The following EREG variants were observed in gnomAD, a reference collection of about 807,000 sequenced individuals.
EREG encodes the protein proepiregulin.
In EREG, 23 loss-of-function variants were observed where a neutral mutation model predicts 22.4. That is an observed-to-expected ratio of 1.03 (90% CI 0.74 to 1.46). The LOEUF (loss-of-function observed/expected upper bound fraction) is 1.46, where lower values mean the gene tolerates loss of function less well. Ranked by LOEUF, EREG falls within the 40% of genes most tolerant of loss-of-function variation. EREG has a pLI of 0.00. For synonymous variants in EREG, 100 were observed against 75.4 expected (o/e 1.33, Z -1.69); for missense variants, 226 against 205.9 (o/e 1.10, Z -0.60).
In EREG at chr4:74,385,862, T is replaced by C. The variant is rs1373930401; in HGVS notation, c.*1054T>C. The stretch of plus-strand genomic sequence containing the variant: ...TAATACAGCTCAGTAAATGGCTTCT[T>C]CTAGAATGTAAAGTTATGTATTTAA... On this transcript the variant is annotated 3_prime_UTR_variant, in exon 5 of 5. Transcript: ENST00000244869. 2 of 396,772 alleles carry C rather than the reference T, an allele frequency of 5.0e-6. No homozygotes were observed. The highest frequency in any genetic ancestry group is 3.6e-5 in the East Asian group (1 of 27,914). 24.6% of individuals were successfully genotyped at this position (396,772 alleles called of 1,614,324 possible). A position where few individuals can be genotyped will look rare whatever the true frequency, so the allele number is the denominator to read the frequency against.
chr4:74,381,163 C>T (rs778649779), intron 3 of EREG, 26 bp downstream of exon 3: 1 of 1,597,346 alleles, frequency 6.3e-7, no homozygotes, highest in African/African-American at 1.3e-5. Flanking sequence ...TAAACAAACA[C>T]AGTTTGTAAA....
At chr4:74,383,659 TCAAG>T (rs1158602260) in intron 4 of EREG, among the ~76,000 whole-genome samples, 2 of 152,192 alleles carry the variant, frequency 1.3e-5, no homozygotes, top group Non-Finnish European at 2.9e-5. Context: ...TACAAATTAC[TCAAG>T]GTGAATTTAC....
Position 74,385,567 on chromosome 4 carries a change from T to G in EREG, c.*759T>G, listed in dbSNP as rs1752556471. 2 of 249,266 alleles carry G rather than the reference T, an allele frequency of 8.0e-6. No individual in the cohort carries two copies. Among genetic ancestry groups the G allele is most frequent in the Non-Finnish European group, 1.5e-5 (2 of 132,404 alleles). 15.4% of individuals were successfully genotyped at this position (249,266 alleles called of 1,614,324 possible). ...CATTTCATAGCTTCACAATGTTCCT[T>G]TTTTGTATATTACAACATTTATGTG... On this transcript the variant is annotated 3_prime_UTR_variant, in exon 5 of 5. Coordinates refer to ENST00000244869, the MANE Select transcript of EREG (RefSeq NM_001432.3).
Position 74,381,188 on chromosome 4 carries a change from A to G in EREG, c.278+51A>G, listed in dbSNP as rs369350742. 8 of 1,542,690 alleles carry G rather than the reference A, an allele frequency of 5.2e-6. No individual in the cohort carries two copies. In the African/African-American group the frequency reaches 1.1e-4, roughly 21 times the overall value. ...CAGTTTGTAAAATTTTGTTTTATAG[A>G]TTTAGGGGTACAAGTGCAGATTTGC... is the stretch of plus-strand genomic sequence containing the variant. On this transcript the variant is annotated intron_variant, in intron 3 of 4. Transcript: ENST00000244869.
intron 1 of EREG, among the ~76,000 whole-genome samples, chr4:74,377,175 A>C (rs947710375): frequency 2.0e-5 from 3 of 150,878 alleles, no homozygotes; most frequent in Admixed American, 6.6e-5. Flanking sequence ...AAAAAAAAAA[A>C]CATTAGTTTA....
intron 1 of EREG, among the ~76,000 whole-genome samples, chr4:74,373,565 T>C (rs1415568331): frequency 6.6e-6 from 1 of 150,546 alleles, no homozygotes; most frequent in Non-Finnish European, 1.5e-5. Context: ...GAATTATTAC[T>C]GGCAGAAGGC....
chr4:74,377,783 T>C (rs1292136182), intron 1 of EREG, among the ~76,000 whole-genome samples: 2 of 152,142 alleles, frequency 1.3e-5, no homozygotes, highest in Middle Eastern at 3.2e-3. Flanking sequence ...CAAACACTTA[T>C]AAAACCATCA....
At position 74,388,649 on chromosome 4, in the gene EREG, A is replaced by G. The variant is rs1752616558; in HGVS notation, c.*3841A>G. ...TGTACCTTAAGATATTGAAGGAGAAAATAGATAATTTACAAGATATTATTA... is the reference window on the plus strand; with the variant it reads ...TGTACCTTAAGATATTGAAGGAGAAGATAGATAATTTACAAGATATTATTA... On this transcript the variant is annotated 3_prime_UTR_variant, in exon 5 of 5. Transcript: ENST00000244869. 1 of 152,644 alleles carries G rather than the reference A, an allele frequency of 6.6e-6. No homozygotes were observed. 9.5% of individuals were successfully genotyped at this position (152,644 alleles called of 1,614,324 possible).
chr4:74,379,228 G>A (rs148207990), intron 1 of EREG, among the ~76,000 whole-genome samples: 1 of 152,278 alleles, frequency 6.6e-6, no homozygotes, highest in East Asian at 1.9e-4. Context: ...ATCTGTAACC[G>A]TGAATGTAAT....
chr4:74,369,429 T>C (rs904216742), intron 1 of EREG, among the ~76,000 whole-genome samples: 1 of 152,160 alleles, frequency 6.6e-6, no homozygotes, highest in African/African-American at 2.4e-5. Context: ...AGTGAGAACA[T>C]ATGGTTTTTT....
intron 1 of EREG, among the ~76,000 whole-genome samples, chr4:74,373,738 G>A (rs1052241154): frequency 2.9e-4 from 43 of 147,560 alleles, no homozygotes; most frequent in African/African-American, 7.8e-4. Flanking sequence ...ATACGTGTGC[G>A]TATATATATC....
chr4:74,378,251 A>T (rs1214516260), intron 1 of EREG, among the ~76,000 whole-genome samples: 2 of 152,142 alleles, frequency 1.3e-5, no homozygotes, highest in African/African-American at 4.8e-5. Context: ...CTATCAGTCA[A>T]GGAGAATTTT....
At chr4:74,366,515 T>C (rs559326586) in intron 1 of EREG, among the ~76,000 whole-genome samples, 34 of 152,310 alleles carry the variant, frequency 2.2e-4, no homozygotes, top group Non-Finnish European at 2.8e-4. Flanking sequence ...GCTAGAAGAT[T>C]CTCAGTAAAC....
At chr4:74,377,908 A>T (rs940705032) in intron 1 of EREG, among the ~76,000 whole-genome samples, 1 of 152,148 alleles carries the variant, frequency 6.6e-6, no homozygotes, top group Non-Finnish European at 1.5e-5. Context: ...CTCTCAATAC[A>T]TGGGGATTGC....
At chr4:74,377,883 G>A (rs1011404798) in intron 1 of EREG, among the ~76,000 whole-genome samples, 5 of 152,116 alleles carry the variant, frequency 3.3e-5, no homozygotes, top group Admixed American at 3.3e-4. Flanking sequence ...GGACACATGG[G>A]GATTACGGGT....
chr4:74,372,801 CTTTTT>C (rs60657787), intron 1 of EREG, among the ~76,000 whole-genome samples: 1,035 of 71,950 alleles, frequency 0.014, 6 homozygotes, highest in African/African-American at 0.035. Flanking sequence ...TTAAATTGTA[CTTTTT>C]TTTTTTTTTT....
intron 1 of EREG, among the ~76,000 whole-genome samples, chr4:74,376,317 G>A (rs1010349164): frequency 6.6e-6 from 1 of 152,172 alleles, no homozygotes; most frequent in Non-Finnish European, 1.5e-5. Context: ...TTCCTGGAGG[G>A]AGAATTGGTA....
chr4:74,382,681 C>T lies in EREG; in HGVS notation c.315C>T (p.His105=). 4 of 1,613,076 alleles carry T rather than the reference C, an allele frequency of 2.5e-6. No homozygotes were observed. The highest frequency in any genetic ancestry group is 3.4e-6 in the Non-Finnish European group (4 of 1,179,342). The change falls in exon 4 of 5, where the codon CAC becomes CAT. Residue 105 remains histidine (H), a synonymous_variant. Coordinates refer to ENST00000244869, the MANE Select transcript of EREG (RefSeq NM_001432.3). ...EVGYTGVRCE[H]FFLTVHQPLS... is the part of the protein sequence containing the mutation. ...GTTATACTGGTGTCCGATGTGAACACTTCTTTTTAACCGTCCACCAACCTT... is the reference window on the plus strand; with the variant it reads ...GTTATACTGGTGTCCGATGTGAACATTTCTTTTTAACCGTCCACCAACCTT...
Position 74,382,774 on chromosome 4 carries a change from C to T in EREG, c.408C>T (p.Ser136=). Residue 136 remains serine (S), a synonymous_variant, in exon 4 of 5, where the codon TCC becomes TCT. Transcript: ENST00000244869. ...IILFLITVVG[S]TYYFCRWYRN... Reference sequence around the variant, plus strand: ...TGTTTCTTATCACAGTCGTCGGTTCCACATATTATTTCTGCAGATGGTAAG... The same window carrying T: ...TGTTTCTTATCACAGTCGTCGGTTCTACATATTATTTCTGCAGATGGTAAG... 1 of 1,612,798 alleles carries T rather than the reference C, an allele frequency of 6.2e-7. No homozygotes were observed. The highest frequency in any genetic ancestry group is 8.5e-7 in the Non-Finnish European group (1 of 1,179,496).
Sources: allele counts gnomAD v4.1 joint callset (sites outside exome capture counted in the v4.1 genomes callset), GRCh38; gene constraint gnomAD v4.1.1; transcripts MANE v1.5; gene names NCBI Gene and HGNC (gene_info 2026-07-23, HGNC 2026-07-21).